The following UGT2A1 variants were observed in gnomAD, a reference collection of about 807,000 sequenced individuals.
The protein encoded by UGT2A1 is UDP-glucuronosyltransferase 2A1.
UGT2A1 carries 61 observed loss-of-function variants against 45.4 expected under a neutral mutation model. That is an observed-to-expected ratio of 1.34 (90% CI 1.09 to 1.66). UGT2A1 has a LOEUF of 1.66. Ranked by LOEUF, UGT2A1 falls within the 40% of genes most tolerant of loss-of-function variation. The pLI, the probability that UGT2A1 is intolerant of heterozygous loss-of-function variation, is 0.00. For missense variants in UGT2A1, 649 were observed against 574.3 expected (o/e 1.13, Z -1.33); for synonymous variants, 229 against 196.2 (o/e 1.17, Z -1.40).
intron 2 of UGT2A1, among the ~76,000 whole-genome samples, chr4:69,637,260 AT>A (rs1361850353): frequency 6.6e-6 from 1 of 152,120 alleles, no homozygotes; most frequent in Non-Finnish European, 1.5e-5. Flanking sequence ...ATAAACTCAA[AT>A]TTTATTTACC....
intron 3 of UGT2A1, among the ~76,000 whole-genome samples, chr4:69,608,834 C>A (rs1161512346): frequency 6.6e-6 from 1 of 151,906 alleles, no homozygotes; most frequent in African/African-American, 2.4e-5. Context: ...TAGCTGGGAC[C>A]ACAGGCACAT....
intron 3 of UGT2A1, among the ~76,000 whole-genome samples, chr4:69,625,249 A>G (rs1720985227): frequency 6.7e-6 from 1 of 149,778 alleles, no homozygotes; most frequent in Admixed American, 6.7e-5. Flanking sequence ...CAATATATTG[A>G]TTATGATGTG....
At chr4:69,615,161 T>A (rs980667637) in intron 3 of UGT2A1, among the ~76,000 whole-genome samples, 1 of 152,000 alleles carries the variant, frequency 6.6e-6, no homozygotes, top group Admixed American at 6.6e-5. Context: ...ACAAACCATA[T>A]CAATCTCTAT....
At chr4:69,591,037 A>G (rs1718568427) in intron 6 of UGT2A1, among the ~76,000 whole-genome samples, 1 of 152,212 alleles carries the variant, frequency 6.6e-6, no homozygotes, top group Admixed American at 6.6e-5. Flanking sequence ...TTAGGGTTAA[A>G]GTGAAGTTAC....
At chr4:69,599,140 C>G in intron 4 of UGT2A1, 106 bp downstream of exon 4, 1 of 1,418,930 alleles carries the variant, frequency 7.0e-7, no homozygotes, top group East Asian at 2.6e-5. Flanking sequence ...GAGTAGCAAA[C>G]TGAAATGTCC....
chr4:69,631,816 C>A (rs1057110757), intron 3 of UGT2A1, among the ~76,000 whole-genome samples: 1 of 152,088 alleles, frequency 6.6e-6, no homozygotes, highest in Non-Finnish European at 1.5e-5. Flanking sequence ...TTAATGAAAT[C>A]ACAATTGAGC....
intron 2 of UGT2A1, among the ~76,000 whole-genome samples, chr4:69,639,949 A>T (rs1319025030): frequency 1.3e-5 from 2 of 152,030 alleles, no homozygotes; most frequent in Non-Finnish European, 2.9e-5. Context: ...AATTGAATAA[A>T]CAACTTTCAG....
intron 5 of UGT2A1, 143 bp from the exon 6 acceptor site, chr4:69,594,839 G>T: frequency 1.8e-6 from 2 of 1,088,550 alleles, no homozygotes; most frequent in Non-Finnish European, 2.6e-6. Context: ...TAGGGCATTG[G>T]AATGTCAGAA....
chr4:69,612,673 C>G (rs189018160), intron 3 of UGT2A1, among the ~76,000 whole-genome samples: 1 of 151,874 alleles, frequency 6.6e-6, no homozygotes, highest in Non-Finnish European at 1.5e-5. Context: ...ACTGGCTAGC[C>G]ATATGCAGAA....
At chr4:69,612,487 A>G (rs1336946697) in intron 3 of UGT2A1, among the ~76,000 whole-genome samples, 1 of 152,048 alleles carries the variant, frequency 6.6e-6, no homozygotes, top group Non-Finnish European at 1.5e-5. Flanking sequence ...ACTTCAAACT[A>G]TAAGACTACA....
chr4:69,592,775 A>T (rs1406187361), intron 6 of UGT2A1, among the ~76,000 whole-genome samples: 2 of 152,090 alleles, frequency 1.3e-5, no homozygotes, highest in African/African-American at 4.8e-5. Flanking sequence ...TAAAGATAAA[A>T]AATGGAAATA....
chr4:69,608,972 A>G (rs1200203182), intron 3 of UGT2A1, among the ~76,000 whole-genome samples: 1 of 152,164 alleles, frequency 6.6e-6, no homozygotes, highest in Non-Finnish European at 1.5e-5. Context: ...TCATAGTAGA[A>G]AAGGATTTCC....
At chr4:69,651,348 T>C (rs1224775732) in intron 1 of UGT2A1, among the ~76,000 whole-genome samples, 1 of 152,140 alleles carries the variant, frequency 6.6e-6, no homozygotes, top group Non-Finnish European at 1.5e-5. Context: ...TATGCCTGTA[T>C]CAAAACATCA....
chr4:69,621,192 C>G (rs1361309675), intron 3 of UGT2A1, among the ~76,000 whole-genome samples: 1 of 151,900 alleles, frequency 6.6e-6, no homozygotes, highest in African/African-American at 2.4e-5. Context: ...GCAAAATAAA[C>G]TATCAACAGT....
At chr4:69,649,645 C>T (rs1333330538) in intron 1 of UGT2A1, among the ~76,000 whole-genome samples, 2 of 152,046 alleles carry the variant, frequency 1.3e-5, no homozygotes, top group Non-Finnish European at 2.9e-5. Flanking sequence ...CAGGCAAGGT[C>T]GACCCTAAAA....
In UGT2A1 at chr4:69,647,655, G is replaced by A. The variant is rs768102345; in HGVS notation, c.-11C>T. 4.0e-6 allele frequency: 6 copies of A among 1,502,518 alleles called. No homozygotes were observed. The highest frequency in any genetic ancestry group is 5.4e-6 in the Non-Finnish European group (6 of 1,117,578). 93.1% of individuals were successfully genotyped at this position (1,502,518 alleles called of 1,614,324 possible). A position where few individuals can be genotyped will look rare whatever the true frequency, so the allele number is the denominator to read the frequency against. ...AAGGTTGTTTAACATGATGTGGCTT[G>A]ATGCAGAAGATTTGATGAGATGTGA... On this transcript the variant is annotated 5_prime_UTR_variant, in exon 2 of 7. An upstream open reading frame in the 5' UTR gains an earlier in-frame stop. Coordinates refer to ENST00000286604, the MANE Select transcript of UGT2A1 (RefSeq NM_001252275.3).
In UGT2A1 at chr4:69,610,246, CA is replaced by C. The variant is rs4148316; in HGVS notation, c.848-10853del. On this transcript the variant is annotated intron_variant, in intron 3 of 6. Coordinates refer to ENST00000286604, the MANE Select transcript of UGT2A1 (RefSeq NM_001252275.3). The stretch of plus-strand genomic sequence containing the variant: ...TTGCATTGTTCTAATTCTGCCATTA[CA>C]AAAAAAAAGTTGCATTGAATTCATT... 7.5e-4 allele frequency among the ~76,000 whole-genome samples: 113 copies of C among 151,168 alleles called. 1 individual carries two copies. Among genetic ancestry groups the C allele is most frequent in the African/African-American group, 2.4e-3 (100 of 41,272 alleles).
chr4:69,647,231 C>G lies in UGT2A1; in HGVS notation c.414G>C (p.Lys138Asn). 2.5e-6 allele frequency: 4 copies of G among 1,613,296 alleles called. No homozygotes were observed. The highest frequency in any genetic ancestry group is 3.4e-6 in the Non-Finnish European group (4 of 1,179,474). Residue 138 changes from lysine (K) to asparagine (N), a missense_variant, in exon 2 of 7, where the codon AAG becomes AAC. Physicochemically the swap from Lys to Asn is moderately conservative, Grantham distance 94 (BLOSUM62 0). Transcript: ENST00000286604. ...GGACTTCAAACTTGCTTTTCTTTAG[C>G]TTTGCCATCAGCTGTTGGTTTTTAA... ...GVLKNQQLMAKLKKSKFEVLV... is the reference protein window; with the variant it reads ...GVLKNQQLMANLKKSKFEVLV...
In UGT2A1 at chr4:69,647,539, C is replaced by T. The variant is rs767872801; in HGVS notation, c.106G>A (p.Val36Ile). ...WPMEGSHWLN[V>I]KIIIDELIKK... Reference sequence around the variant, plus strand: ...ATGAGCTCATCTATAATTATCTTAACATTTAGCCAATGACTACCTTCCATT... The same window carrying T: ...ATGAGCTCATCTATAATTATCTTAATATTTAGCCAATGACTACCTTCCATT... Residue 36 changes from valine to isoleucine, a missense_variant, in exon 2 of 7, where the codon GTT (valine) becomes ATT (isoleucine). Physicochemically the swap from Val to Ile is conservative, Grantham distance 29 (BLOSUM62 3). Transcript: ENST00000286604. 5.6e-6 allele frequency: 9 copies of T among 1,612,726 alleles called. No homozygotes were observed. The highest frequency in any genetic ancestry group is 6.8e-6 in the Non-Finnish European group (8 of 1,179,212).
Sources: allele counts gnomAD v4.1 joint callset (sites outside exome capture counted in the v4.1 genomes callset), GRCh38; gene constraint gnomAD v4.1.1; transcripts MANE v1.5; gene names NCBI Gene and HGNC (gene_info 2026-07-23, HGNC 2026-07-21).